Variants in CABLES1 observed in about 807,000 individuals in gnomAD.
CABLES1 encodes the protein Cdk5 and Abl enzyme substrate 1, also known as CDK5 and ABL1 enzyme substrate 1.
In CABLES1, 36 loss-of-function variants were observed where a neutral mutation model predicts 57.8. That is an observed-to-expected ratio of 0.62 (90% confidence interval 0.48 to 0.82). The LOEUF (loss-of-function observed/expected upper bound fraction) is 0.82. Among genes scored for constraint, CABLES1 ranks in the 40% least tolerant of loss-of-function variants. CABLES1 has a pLI of 0.00. For synonymous variants in CABLES1, 374 were observed against 363.0 expected (o/e 1.03, Z -0.35); for missense variants, 767 against 836.6 (o/e 0.92, Z 1.03).
intron 1 of CABLES1, among the ~76,000 whole-genome samples, chr18:23,172,693 A>G (rs749301925): frequency 3.3e-5 from 5 of 152,202 alleles, no homozygotes; most frequent in African/African-American, 4.8e-5. Context: ...TGGAATCCAC[A>G]TTGCATCCAA....
At chr18:23,202,075 G>C (rs1342069038) in intron 3 of CABLES1, among the ~76,000 whole-genome samples, 1 of 150,882 alleles carries the variant, frequency 6.6e-6, no homozygotes, top group Non-Finnish European at 1.5e-5. Context: ...GGCGAGATGA[G>C]CTCTGATAAG....
chr18:23,241,798 C>T (rs563377112), intron 7 of CABLES1, among the ~76,000 whole-genome samples: 5 of 152,226 alleles, frequency 3.3e-5, no homozygotes, highest in East Asian at 3.9e-4. Flanking sequence ...GGCCCCTCGT[C>T]GCCACAGTCA....
At chr18:23,223,943 C>T (rs1277477672) in intron 4 of CABLES1, among the ~76,000 whole-genome samples, 2 of 151,940 alleles carry the variant, frequency 1.3e-5, no homozygotes, top group African/African-American at 4.8e-5. Flanking sequence ...GATTGCACGG[C>T]CACTTCTGCT....
chr18:23,245,503 CAAAAAAA>C (rs914289893), intron 7 of CABLES1, among the ~76,000 whole-genome samples: 2 of 94,570 alleles, frequency 2.1e-5, no homozygotes, highest in African/African-American at 7.6e-5. Flanking sequence ...CATCCTGTCT[CAAAAAAA>C]AAAAAAAAAA....
chr18:23,214,154 G>C (rs774253760), intron 4 of CABLES1, 100 bp downstream of exon 4: 1 of 761,746 alleles, frequency 1.3e-6, no homozygotes, highest in South Asian at 1.7e-5. Flanking sequence ...AAGTTGCCTT[G>C]CTTTGATACT....
At chr18:23,142,844 G>T (rs2046866416) in intron 1 of CABLES1, among the ~76,000 whole-genome samples, 1 of 152,170 alleles carries the variant, frequency 6.6e-6, no homozygotes, top group African/African-American at 2.4e-5. Context: ...ACCCTTCCCT[G>T]TGGCAGCTGG....
intron 1 of CABLES1, among the ~76,000 whole-genome samples, chr18:23,177,619 C>T (rs756528187): frequency 2.6e-5 from 4 of 152,124 alleles, no homozygotes; most frequent in African/African-American, 4.8e-5. Context: ...TTCCTGGGGC[C>T]GGACTTTGCT....
At position 23,157,904 on chromosome 18, in the gene CABLES1, C is replaced by T. The variant is rs943425176; in HGVS notation, c.845+21297C>T. Among the ~76,000 whole-genome samples the T allele has an allele frequency of 2.0e-5, 3 of 152,046 alleles. No individual in the cohort carries two copies. In the East Asian group the frequency reaches 5.8e-4, roughly 29 times the overall value. On this transcript the variant is annotated intron_variant, in intron 1 of 9. Coordinates refer to ENST00000256925, the MANE Select transcript of CABLES1 (RefSeq NM_001100619.3). Reference sequence around the variant, plus strand: ...GGAGCCAGACTGCCCAGGTTTGAATCCTGGCTTTGCTATTCTCCACGTTGG... The same window carrying T: ...GGAGCCAGACTGCCCAGGTTTGAATTCTGGCTTTGCTATTCTCCACGTTGG...
chr18:23,160,856 A>G (rs2046998845), intron 1 of CABLES1, among the ~76,000 whole-genome samples: 1 of 152,148 alleles, frequency 6.6e-6, no homozygotes. Flanking sequence ...CGACATAGTG[A>G]AAGCCCGTCT....
intron 1 of CABLES1, among the ~76,000 whole-genome samples, chr18:23,159,207 C>T (rs2046985804): frequency 6.6e-6 from 1 of 152,236 alleles, no homozygotes; most frequent in African/African-American, 2.4e-5. Context: ...TCAAGTAATC[C>T]ACCCGCCTTG....
At chr18:23,193,177 C>T (rs1406328337) in intron 2 of CABLES1, among the ~76,000 whole-genome samples, 1 of 151,424 alleles carries the variant, frequency 6.6e-6, no homozygotes, top group East Asian at 1.9e-4. Context: ...GTTCTGCAAG[C>T]CTTTAAAAGA....
chr18:23,243,801 G>T (rs950836803), intron 7 of CABLES1, among the ~76,000 whole-genome samples: 1 of 150,944 alleles, frequency 6.6e-6, no homozygotes, highest in Non-Finnish European at 1.5e-5. Flanking sequence ...GAACCCGGGA[G>T]GCAGAGGTTG....
intron 7 of CABLES1, among the ~76,000 whole-genome samples, chr18:23,244,056 A>G (rs964177442): frequency 6.6e-6 from 1 of 152,162 alleles, no homozygotes; most frequent in Non-Finnish European, 1.5e-5. Context: ...TTTGACAATC[A>G]CTTCGTGATT....
Position 23,234,678 on chromosome 18 carries a change from G to T in CABLES1, c.1159G>T (p.Gly387Cys), listed in dbSNP as rs751924653. 1 of 1,613,790 alleles carries T rather than the reference G, an allele frequency of 6.2e-7. No homozygotes were observed. The highest frequency in any genetic ancestry group is 8.5e-7 in the Non-Finnish European group (1 of 1,179,834). Residue 387 changes from glycine to cysteine, a missense_variant, in exon 5 of 10, where the codon GGT becomes TGT. This residue lies in a region of CABLES1 where 529 missense variants were observed against 622.8 expected (regional missense o/e 0.85). Transcript: ENST00000256925. ...TTTGAAAGAGATCATTGGTCTGGAA[G>T]GTGTGGAGCTGGGTGCTGATGGGAA... is the stretch of plus-strand genomic sequence containing the variant. ...VSLKEIIGLE[G>C]VELGADGKTV...
At position 23,257,317 on chromosome 18, in the gene CABLES1, C is replaced by A. The variant is rs756392758; in HGVS notation, c.1852C>A (p.Pro618Thr). Residue 618 changes from proline (P) to threonine (T), a missense_variant, in exon 10 of 10, where the codon CCC becomes ACC. Pro to Thr is a conservative substitution (Grantham distance 38, BLOSUM62 -1). Around this residue, in one of 4 missense-constraint regions of CABLES1, gnomAD observed 25 missense variants for 23.1 expected, o/e 1.08. Coordinates refer to ENST00000256925, the MANE Select transcript of CABLES1 (RefSeq NM_001100619.3). ...GGCCTTGGAATTCGCCCTCCACTTG[C>A]CCGAGCACGAAGTCATGCCCCACTA... ...LVALEFALHL[P>T]EHEVMPHYRR... 6.2e-7 allele frequency: 1 copy of A among 1,613,948 alleles called. No individual in the cohort carries two copies. Among genetic ancestry groups the A allele is most frequent in the Non-Finnish European group, 8.5e-7 (1 of 1,179,968 alleles).
At chr18:23,196,988 A>T (rs2047288612) in intron 3 of CABLES1, 1 of 152,266 alleles carries the variant, frequency 6.6e-6, no homozygotes, top group South Asian at 2.1e-4. Flanking sequence ...TGACCGTGTG[A>T]TAGAGGCCCC....
At chr18:23,226,317 G>C (rs570845425) in intron 4 of CABLES1, among the ~76,000 whole-genome samples, 1 of 151,768 alleles carries the variant, frequency 6.6e-6, no homozygotes, top group South Asian at 2.1e-4. Context: ...CAGGAGAATT[G>C]CTTGAACCTG....
intron 3 of CABLES1, among the ~76,000 whole-genome samples, chr18:23,203,671 T>C (rs1164130071): frequency 6.6e-6 from 1 of 152,150 alleles, no homozygotes; most frequent in Non-Finnish European, 1.5e-5. Flanking sequence ...CTAATTTAGT[T>C]TGAAAAACGA....
At chr18:23,241,215 A>AT (rs565969843) in intron 7 of CABLES1, among the ~76,000 whole-genome samples, 1,682 of 149,330 alleles carry the variant, frequency 0.011, 19 homozygotes, top group Middle Eastern at 0.014. Context: ...GTGTCAGTAG[A>AT]TTTTTTTTTT....
Sources: gnomAD v4.1 joint callset for allele counts (sites outside exome capture counted in the v4.1 genomes callset) on GRCh38, gnomAD v4.1.1 for gene constraint, gnomAD v4.1.1 regional missense constraint, MANE v1.5 for transcripts, NCBI Gene and HGNC (gene_info 2026-07-23, HGNC 2026-07-21) for gene names.